MYH11: variants seen among roughly 807,000 people sequenced by gnomAD.
MYH11 encodes myosin heavy chain 11.
A neutral mutation model predicts 246.6 loss-of-function variants in MYH11; 80 were observed. The observed-to-expected ratio is 0.32, with a 90% CI of 0.27 to 0.39. MYH11 has a LOEUF of 0.39. MYH11 is among the 10% of genes least tolerant of loss of function. The pLI is 1.00. For missense variants in MYH11, 2,158 were observed against 2,546.8 expected, an observed-to-expected ratio of 0.85 and a Z score of 3.29; for synonymous variants, 1,071 against 1,015.5, an observed-to-expected ratio of 1.05 and a Z score of -1.04.
At chr16:15,834,419 G>A (rs370551287) in intron 2 of MYH11, among the ~76,000 whole-genome samples, 2 of 151,812 alleles carry the variant, frequency 1.3e-5, no homozygotes, top group South Asian at 2.1e-4. Context: ...CCAGCTACTC[G>A]GGAGGCTGAA....
chr16:15,774,291 A>G (rs1208247495), intron 8 of MYH11, among the ~76,000 whole-genome samples: 1 of 152,208 alleles, frequency 6.6e-6, no homozygotes, highest in Admixed American at 6.5e-5. Flanking sequence ...TCTATCATCT[A>G]GAATACAAAC....
chr16:15,854,152 A>C (rs917677212), intron 1 of MYH11, among the ~76,000 whole-genome samples: 1 of 152,190 alleles, frequency 6.6e-6, no homozygotes, highest in Non-Finnish European at 1.5e-5. Context: ...CCAAATAGAA[A>C]CGAGGTTTAT....
chr16:15,819,947 G>A (rs2043363189), intron 3 of MYH11, among the ~76,000 whole-genome samples: 2 of 152,212 alleles, frequency 1.3e-5, no homozygotes, highest in South Asian at 4.2e-4. Flanking sequence ...CAATTATTGG[G>A]TATCAATAGC....
At chr16:15,787,916 C>A (rs751257968) in intron 4 of MYH11, among the ~76,000 whole-genome samples, 1 of 151,830 alleles carries the variant, frequency 6.6e-6, no homozygotes, top group Non-Finnish European at 1.5e-5. Flanking sequence ...GGAATCCCAC[C>A]CCATGTATCA....
chr16:15,737,941 C>T lies in MYH11; in HGVS notation c.3122-321G>A, dbSNP rs35710156. 4.2e-3 allele frequency among the ~76,000 whole-genome samples: 635 copies of T among 152,032 alleles called. 12 individuals carry two copies. Among genetic ancestry groups the T allele is most frequent in the South Asian group, 0.026 (124 of 4,810 alleles). ...CCGAGTAGCTGGGATTACAGGCGCCCGCCACCACGCCTGGCTAATTTTTGT... is the reference window on the plus strand; with the variant it reads ...CCGAGTAGCTGGGATTACAGGCGCCTGCCACCACGCCTGGCTAATTTTTGT... On this transcript the variant is annotated intron_variant, in intron 24 of 40. Transcript: ENST00000300036.
chr16:15,795,846 A>G (rs1363365981), intron 4 of MYH11, among the ~76,000 whole-genome samples: 1 of 152,246 alleles, frequency 6.6e-6, no homozygotes, highest in Non-Finnish European at 1.5e-5. Flanking sequence ...ACTGAGGCTC[A>G]GAGAAGTGAA....
chr16:15,818,294 G>A (rs2151351675), intron 3 of MYH11, among the ~76,000 whole-genome samples: 1 of 152,164 alleles, frequency 6.6e-6, no homozygotes, highest in East Asian at 1.9e-4. Flanking sequence ...TTTATCAATG[G>A]AGTCAACACA....
chr16:15,716,003 T>C (rs2040111215), intron 38 of MYH11, among the ~76,000 whole-genome samples: 1 of 152,042 alleles, frequency 6.6e-6, no homozygotes. Flanking sequence ...GGTGTGCACC[T>C]GTAGTCCCAG....
At chr16:15,844,299 G>T (rs2044132740) in intron 1 of MYH11, among the ~76,000 whole-genome samples, 1 of 152,190 alleles carries the variant, frequency 6.6e-6, no homozygotes, top group African/African-American at 2.4e-5. Flanking sequence ...CTAGGTTCAA[G>T]TGATTCTCCT....
At chr16:15,745,362 C>A in intron 19 of MYH11, 125 bp from the exon 20 acceptor site, 1 of 660,932 alleles carries the variant, frequency 1.5e-6, no homozygotes, top group Non-Finnish European at 2.7e-6. Flanking sequence ...TCAGGTTCTT[C>A]CAGAAACCCT....
At chr16:15,828,930 T>TG (rs1331781677) in intron 2 of MYH11, among the ~76,000 whole-genome samples, 2 of 151,430 alleles carry the variant, frequency 1.3e-5, no homozygotes, top group African/African-American at 4.8e-5. Flanking sequence ...ACACCTTTAA[T>TG]GCCAGCACTT....
rs376154041 is a variant in MYH11 at position 15,718,434 on chromosome 16, C to T, written c.5176G>A (p.Ala1726Thr). The T allele has an allele frequency of 2.4e-5, 38 of 1,565,020 alleles. No homozygotes were observed. Among genetic ancestry groups the T allele is most frequent in the Middle Eastern group, 1.9e-4 (1 of 5,346 alleles). Reference sequence around the variant, plus strand: ...AGGCGGCGCTTCTCGTCCTGGAGTGCGTTCCTGGGGGAAGGGCGGCCATGG... The same window carrying T: ...AGGCGGCGCTTCTCGTCCTGGAGTGTGTTCCTGGGGGAAGGGCGGCCATGG... ...ELASSLSGRN[A>T]LQDEKRRLEA... The change falls in exon 37 of 41, where the codon GCA becomes ACA. Residue 1726 changes from alanine to threonine, a missense_variant. Physicochemically the swap from Ala to Thr is moderately conservative, Grantham distance 58 (BLOSUM62 0). Transcript: ENST00000300036.
Position 15,823,230 on chromosome 16 carries a change from C to T in MYH11, c.502+25G>A, listed in dbSNP as rs772989351. On this transcript the variant is annotated intron_variant, in intron 3 of 40. Coordinates refer to ENST00000300036, the MANE Select transcript of MYH11 (RefSeq NM_002474.3). ...ACAGGAGGGGCTCCCTGGAGCTGGC[C>T]CCGTGCAGCCCTGAGTTCACTCACC... 3 of 1,613,638 alleles carry T rather than the reference C, an allele frequency of 1.9e-6. No homozygotes were observed. The East Asian group carries it at 6.7e-5, about 36-fold the overall frequency.
At chr16:15,831,535 G>C (rs960566865) in intron 2 of MYH11, among the ~76,000 whole-genome samples, 1 of 150,370 alleles carries the variant, frequency 6.7e-6, no homozygotes, top group South Asian at 2.1e-4. Context: ...TGCCTCCAGG[G>C]AAGAGGGCTG....
At chr16:15,761,729 C>T (rs2151280063) in intron 10 of MYH11, among the ~76,000 whole-genome samples, 1 of 152,200 alleles carries the variant, frequency 6.6e-6, no homozygotes, top group Middle Eastern at 3.4e-3. Flanking sequence ...CATCTCTTGG[C>T]AAGAGCACTT....
intron 14 of MYH11, among the ~76,000 whole-genome samples, chr16:15,755,465 T>C (rs2041686812): frequency 6.6e-6 from 1 of 152,150 alleles, no homozygotes; most frequent in Admixed American, 6.5e-5. Flanking sequence ...GTATAACTTG[T>C]AGCAGGAAGG....
At chr16:15,725,216 C>A (rs1181959103) in intron 28 of MYH11, 2 of 612,068 alleles carry the variant, frequency 3.3e-6, no homozygotes, top group Non-Finnish European at 5.7e-6. Context: ...TGAGTTGGGA[C>A]CCTGGCCCTA....
intron 9 of MYH11, among the ~76,000 whole-genome samples, chr16:15,768,412 C>T (rs924074520): frequency 6.6e-6 from 1 of 152,122 alleles, no homozygotes; most frequent in African/African-American, 2.4e-5. Context: ...GTCCCCTGGT[C>T]ACTTGGAGCC....
chr16:15,720,726 CTG>C, intron 33 of MYH11, 111 bp downstream of exon 33: 2 of 1,196,744 alleles, frequency 1.7e-6, no homozygotes, highest in Non-Finnish European at 2.4e-6. Flanking sequence ...GAGCGAGACT[CTG>C]TTTCAAAAAA....
Sources: allele counts gnomAD v4.1 joint callset (sites outside exome capture counted in the v4.1 genomes callset), GRCh38; gene constraint gnomAD v4.1.1; transcripts MANE v1.5; gene names NCBI Gene and HGNC (gene_info 2026-07-23, HGNC 2026-07-21).